Variants in RGS7 observed in about 807,000 individuals in gnomAD.
The protein encoded by RGS7 is regulator of G protein signaling 7.
RGS7 carries 27 observed loss-of-function variants against 81.1 expected under a neutral mutation model. That is an observed-to-expected ratio of 0.33 (90% CI 0.25 to 0.46). The LOEUF is 0.46. Ranked by LOEUF, RGS7 falls within the 20% of genes least tolerant of loss-of-function variation. The probability of loss-of-function intolerance (pLI) is 1.00; values close to 1 mark genes in which losing one functional copy is unlikely to be tolerated. For synonymous variants in RGS7, 208 were observed against 207.7 expected (o/e 1.00, Z -0.01); for missense variants, 396 against 607.4 (o/e 0.65, Z 3.66).
chr1:240,859,321 T>C (rs958004475), intron 9 of RGS7, among the ~76,000 whole-genome samples: 1 of 152,020 alleles, frequency 6.6e-6, no homozygotes, highest in African/African-American at 2.4e-5. Context: ...ATTGAATAGG[T>C]TAATCTTTAA....
At chr1:241,239,675 TGGTTCTCAA>T (rs1180652221) in intron 2 of RGS7, among the ~76,000 whole-genome samples, 1 of 152,108 alleles carries the variant, frequency 6.6e-6, no homozygotes, top group African/African-American at 2.4e-5. Flanking sequence ...TCTAGATCCG[TGGTTCTCAA>T]GGTTCTCAAG....
At chr1:240,952,321 A>G (rs577833101) in intron 4 of RGS7, among the ~76,000 whole-genome samples, 3 of 152,210 alleles carry the variant, frequency 2.0e-5, no homozygotes, top group African/African-American at 7.2e-5. Flanking sequence ...TAAAATATGG[A>G]TAAGTGAAAT....
At position 241,349,702 on chromosome 1, in the gene RGS7, T is replaced by C. The variant is rs528836015; in HGVS notation, c.78+5997A>G. Among the ~76,000 whole-genome samples, 7 of 152,330 alleles carry C rather than the reference T, an allele frequency of 4.6e-5. No homozygotes were observed. In the East Asian group the frequency reaches 1.2e-3, roughly 25 times the overall value. On this transcript the variant is annotated intron_variant, in intron 2 of 18. Coordinates refer to ENST00000440928, the MANE Select transcript of RGS7 (RefSeq NM_001364886.1). Reference sequence around the variant, plus strand: ...ATTTTATAATTGGGTTGATATTTTGTAGGATAGAAGCCTGAGTAACCCTGA... The same window carrying C: ...ATTTTATAATTGGGTTGATATTTTGCAGGATAGAAGCCTGAGTAACCCTGA...
At chr1:240,985,534 T>C (rs906088992) in intron 3 of RGS7, among the ~76,000 whole-genome samples, 1 of 152,236 alleles carries the variant, frequency 6.6e-6, no homozygotes, top group African/African-American at 2.4e-5. Flanking sequence ...TAGCCTACTT[T>C]TGAGTATTTC....
At chr1:240,865,504 T>C (rs886101015) in intron 9 of RGS7, among the ~76,000 whole-genome samples, 11 of 152,222 alleles carry the variant, frequency 7.2e-5, no homozygotes, top group Non-Finnish European at 2.9e-5. Context: ...CCTAGCTTCC[T>C]AGCTTCACAG....
At chr1:241,046,739 T>C (rs1218978546) in intron 3 of RGS7, among the ~76,000 whole-genome samples, 4 of 152,172 alleles carry the variant, frequency 2.6e-5, no homozygotes, top group Admixed American at 6.5e-5. Flanking sequence ...AGATAAATTC[T>C]CCCTTAAAGG....
chr1:241,293,070 A>C (rs931300804), intron 2 of RGS7, among the ~76,000 whole-genome samples: 6 of 152,244 alleles, frequency 3.9e-5, no homozygotes, highest in Non-Finnish European at 8.8e-5. Context: ...ATATAAAGTC[A>C]TCAATTGCTT....
intron 2 of RGS7, among the ~76,000 whole-genome samples, chr1:241,272,731 CT>C (rs1256269551): frequency 6.6e-6 from 1 of 152,126 alleles, no homozygotes; most frequent in African/African-American, 2.4e-5. Flanking sequence ...CTCAAGTAGC[CT>C]TTTTCATTTT....
chr1:241,102,869 A>G (rs1208451034), intron 2 of RGS7, among the ~76,000 whole-genome samples: 1 of 152,068 alleles, frequency 6.6e-6, no homozygotes, highest in Non-Finnish European at 1.5e-5. Context: ...AAACACATGC[A>G]TCTTATCTGT....
intron 2 of RGS7, among the ~76,000 whole-genome samples, chr1:241,102,129 G>GT (rs1190188554): frequency 3.3e-5 from 5 of 152,114 alleles, no homozygotes; most frequent in Non-Finnish European, 1.5e-5. Flanking sequence ...GCATTCAGCT[G>GT]TTTTTATCTT....
chr1:241,269,197 T>A (rs2148332835), intron 2 of RGS7, among the ~76,000 whole-genome samples: 1 of 152,360 alleles, frequency 6.6e-6, no homozygotes, highest in East Asian at 1.9e-4. Flanking sequence ...TGGGTCTCTT[T>A]TTAAAAAAAT....
Position 241,144,280 on chromosome 1 carries a change from G to A in RGS7, c.79-45518C>T, listed in dbSNP as rs2068134451. On this transcript the variant is annotated intron_variant, in intron 2 of 18. Transcript: ENST00000440928. This position sits in a 1 kb window ranked among gnomAD's most constrained non-coding sequence, Gnocchi z 4.7. Reference sequence around the variant, plus strand: ...TGGCGCATATGTTGTTTATTTCTCTGCTGTTTATACCAAACTTTTCCTGCA... The same window carrying A: ...TGGCGCATATGTTGTTTATTTCTCTACTGTTTATACCAAACTTTTCCTGCA... Among the ~76,000 whole-genome samples the A allele has an allele frequency of 6.6e-6, 1 of 151,992 alleles. No individual in the cohort carries two copies. The highest frequency in any genetic ancestry group is 1.5e-5 in the Non-Finnish European group (1 of 68,002).
At chr1:241,318,702 C>G (rs2081034947) in intron 2 of RGS7, among the ~76,000 whole-genome samples, 1 of 152,066 alleles carries the variant, frequency 6.6e-6, no homozygotes, top group Non-Finnish European at 1.5e-5. Flanking sequence ...TCTCGAACTC[C>G]CGACCTCAGG....
At chr1:241,319,821 A>G (rs2081105464) in intron 2 of RGS7, among the ~76,000 whole-genome samples, 2 of 152,274 alleles carry the variant, frequency 1.3e-5, no homozygotes, top group South Asian at 4.2e-4. Flanking sequence ...GGCCGGGCGC[A>G]GTGGCTCTCG....
At chr1:241,087,558 T>C (rs1004982279) in intron 3 of RGS7, among the ~76,000 whole-genome samples, 1 of 152,200 alleles carries the variant, frequency 6.6e-6, no homozygotes, top group African/African-American at 2.4e-5. Context: ...TACACTATCA[T>C]CTGGAAGGCG....
intron 3 of RGS7, among the ~76,000 whole-genome samples, chr1:241,041,227 A>G (rs2060598712): frequency 6.6e-6 from 1 of 152,180 alleles, no homozygotes; most frequent in South Asian, 2.1e-4. Flanking sequence ...TAGTTTTATG[A>G]ATTACTCTCC....
At chr1:240,820,260 T>C (rs1313404367) in intron 10 of RGS7, among the ~76,000 whole-genome samples, 1 of 152,232 alleles carries the variant, frequency 6.6e-6, no homozygotes, top group Non-Finnish European at 1.5e-5. Context: ...TTTTTAGTTT[T>C]AATAGCAAGA....
At chr1:241,013,052 CCTT>C (rs2059042373) in intron 3 of RGS7, among the ~76,000 whole-genome samples, 3 of 133,564 alleles carry the variant, frequency 2.2e-5, no homozygotes, top group South Asian at 2.5e-4. Context: ...TCTGACCCCT[CCTT>C]TTTTTTTTTT....
At chr1:240,983,619 C>T (rs763070337) in intron 3 of RGS7, among the ~76,000 whole-genome samples, 8 of 152,136 alleles carry the variant, frequency 5.3e-5, no homozygotes, top group African/African-American at 9.7e-5. Flanking sequence ...TCTCCCTGAC[C>T]GAAATGTCTT....
Sources: allele counts gnomAD v4.1 joint callset (sites outside exome capture counted in the v4.1 genomes callset), GRCh38; gene constraint gnomAD v4.1.1; non-coding constraint Gnocchi (gnomAD v3.1); transcripts MANE v1.5; gene names NCBI Gene and HGNC (gene_info 2026-07-23, HGNC 2026-07-21).